ALDH1A2: variants seen among roughly 807,000 people sequenced by gnomAD.
The protein encoded by ALDH1A2 is retinal dehydrogenase 2.
ALDH1A2 carries 27 observed loss-of-function variants against 60.3 expected under a neutral mutation model. The ratio of observed to expected loss-of-function variants is 0.45; its 90% confidence interval spans 0.33 to 0.62. ALDH1A2 has a LOEUF of 0.62. Among genes scored for constraint, ALDH1A2 ranks in the 20% least tolerant of loss-of-function variants. The probability of loss-of-function intolerance (pLI) is 0.02; values close to 1 mark genes in which losing one functional copy is unlikely to be tolerated. For synonymous variants in ALDH1A2, 289 were observed against 232.4 expected, an observed-to-expected ratio of 1.24 and a Z score of -2.21; for missense variants, 581 against 643.8, an observed-to-expected ratio of 0.90 and a Z score of 1.06.
intron 1 of ALDH1A2, among the ~76,000 whole-genome samples, chr15:58,025,596 C>A (rs891862189): frequency 6.6e-6 from 1 of 152,166 alleles, no homozygotes; most frequent in Non-Finnish European, 1.5e-5. Flanking sequence ...TAACTAACAT[C>A]AATCCTCCTG....
chr15:58,042,892 C>G (rs1163543758), intron 1 of ALDH1A2, among the ~76,000 whole-genome samples: 2 of 151,828 alleles, frequency 1.3e-5, no homozygotes, highest in Admixed American at 6.6e-5. Context: ...TCTGAAAGGC[C>G]AAATTGAATT....
chr15:57,997,462 T>A (rs1895101828), intron 4 of ALDH1A2, among the ~76,000 whole-genome samples: 1 of 151,510 alleles, frequency 6.6e-6, no homozygotes, highest in African/African-American at 2.4e-5. Context: ...CAAGAAAGAG[T>A]GCAAATGGGG....
At chr15:58,061,721 T>A (rs1027043467) in intron 1 of ALDH1A2, among the ~76,000 whole-genome samples, 20 of 151,936 alleles carry the variant, frequency 1.3e-4, no homozygotes, top group Admixed American at 1.3e-3. Flanking sequence ...AAGGCCAATG[T>A]CTTTCTTATG....
At chr15:58,018,890 T>C (rs1895850333) in intron 1 of ALDH1A2, among the ~76,000 whole-genome samples, 1 of 152,140 alleles carries the variant, frequency 6.6e-6, no homozygotes, top group Non-Finnish European at 1.5e-5. Flanking sequence ...AGGTCACTAA[T>C]AAGACATAAA....
chr15:57,979,361 CA>C (rs1894398223), intron 7 of ALDH1A2, among the ~76,000 whole-genome samples: 1 of 152,172 alleles, frequency 6.6e-6, no homozygotes, highest in Non-Finnish European at 1.5e-5. Flanking sequence ...GATCGGCTGA[CA>C]AAAGTGGGAA....
intron 4 of ALDH1A2, among the ~76,000 whole-genome samples, chr15:57,998,559 A>T (rs1895144926): frequency 6.6e-6 from 1 of 152,202 alleles, no homozygotes; most frequent in Non-Finnish European, 1.5e-5. Flanking sequence ...GAGAGGATAC[A>T]AACAAATGGA....
At chr15:57,975,507 C>G (rs1292562320) in intron 7 of ALDH1A2, among the ~76,000 whole-genome samples, 1 of 151,650 alleles carries the variant, frequency 6.6e-6, no homozygotes, top group East Asian at 2.1e-4. Context: ...ATCTGGAAAT[C>G]CAAAATCCAA....
Position 57,954,889 on chromosome 15 carries a change from T to C in ALDH1A2, c.*308A>G, listed in dbSNP as rs1893465174. 1 of 444,836 alleles carries C rather than the reference T, an allele frequency of 2.2e-6. No homozygotes were observed. Among genetic ancestry groups the C allele is most frequent in the Admixed American group, 3.4e-5 (1 of 29,554 alleles). 27.6% of individuals were successfully genotyped at this position (444,836 alleles called of 1,614,324 possible). A position where few individuals can be genotyped will look rare whatever the true frequency, so the allele number is the denominator to read the frequency against. On this transcript the variant is annotated 3_prime_UTR_variant, in exon 13 of 13. Coordinates refer to ENST00000249750, the MANE Select transcript of ALDH1A2 (RefSeq NM_003888.4). ...TCTTTGTGACAAAGACATGAAATAA[T>C]ACAGCTCCCTTATTTCATCCTGTGC...
intron 7 of ALDH1A2, among the ~76,000 whole-genome samples, chr15:57,982,119 C>T (rs1163738633): frequency 6.6e-6 from 1 of 152,162 alleles, no homozygotes; most frequent in Non-Finnish European, 1.5e-5. Context: ...TAGTGCCCAT[C>T]TCTCAACACT....
At chr15:58,025,986 C>T (rs1896068702) in intron 1 of ALDH1A2, among the ~76,000 whole-genome samples, 1 of 152,222 alleles carries the variant, frequency 6.6e-6, no homozygotes, top group Non-Finnish European at 1.5e-5. Flanking sequence ...CCAGGCTCCA[C>T]CTCCAACATT....
intron 4 of ALDH1A2, among the ~76,000 whole-genome samples, chr15:58,006,829 T>C (rs1249971637): frequency 6.8e-5 from 10 of 147,578 alleles, no homozygotes; most frequent in African/African-American, 2.5e-4. Flanking sequence ...AAGGTGACAC[T>C]CTGCCTTCTT....
chr15:58,040,170 C>A (rs1428822726), intron 1 of ALDH1A2, among the ~76,000 whole-genome samples: 2 of 151,912 alleles, frequency 1.3e-5, no homozygotes, highest in African/African-American at 4.8e-5. Context: ...AGCAACCACA[C>A]CTGCCTGACA....
chr15:58,031,274 C>G (rs1198704276), intron 1 of ALDH1A2, among the ~76,000 whole-genome samples: 2 of 152,178 alleles, frequency 1.3e-5, no homozygotes. Context: ...AAAGGATTCC[C>G]TATTTAATAA....
At chr15:58,009,971 T>G (rs1298777890) in intron 4 of ALDH1A2, among the ~76,000 whole-genome samples, 2 of 152,100 alleles carry the variant, frequency 1.3e-5, no homozygotes, top group South Asian at 4.1e-4. Flanking sequence ...TTCCCTCTCA[T>G]TTAAAGGGCT....
intron 1 of ALDH1A2, among the ~76,000 whole-genome samples, chr15:58,037,429 A>G (rs1406020986): frequency 6.6e-6 from 1 of 151,706 alleles, no homozygotes; most frequent in Non-Finnish European, 1.5e-5. Flanking sequence ...AAGAGAAAGA[A>G]GTGGAACTCA....
At chr15:57,963,757 G>C (rs1311049804) in intron 9 of ALDH1A2, 128 bp downstream of exon 9, 11 of 930,518 alleles carry the variant, frequency 1.2e-5, no homozygotes, top group Non-Finnish European at 1.8e-5. Flanking sequence ...CAGCCACGAA[G>C]ACATGGTGGA....
chr15:58,023,071 G>A (rs1895976934), intron 1 of ALDH1A2, among the ~76,000 whole-genome samples: 1 of 152,110 alleles, frequency 6.6e-6, no homozygotes, highest in Non-Finnish European at 1.5e-5. Context: ...TGAGATACAA[G>A]TGAATTCTGA....
At chr15:57,968,162 G>C (rs879349921) in intron 7 of ALDH1A2, among the ~76,000 whole-genome samples, 1 of 152,170 alleles carries the variant, frequency 6.6e-6, no homozygotes, top group Non-Finnish European at 1.5e-5. Flanking sequence ...AGTCAAGGAA[G>C]ATAAACAGGT....
intron 4 of ALDH1A2, among the ~76,000 whole-genome samples, chr15:57,997,524 C>T (rs1410357894): frequency 6.6e-6 from 1 of 151,784 alleles, no homozygotes; most frequent in African/African-American, 2.4e-5. Flanking sequence ...TTTATTTTAG[C>T]AGCACATGTA....
Sources: allele counts gnomAD v4.1 joint callset (sites outside exome capture counted in the v4.1 genomes callset), GRCh38; gene constraint gnomAD v4.1.1; transcripts MANE v1.5; gene names NCBI Gene and HGNC (gene_info 2026-07-23, HGNC 2026-07-21).